The following MAGI1 variants were observed in gnomAD, a reference collection of about 807,000 sequenced individuals.
MAGI1 encodes membrane-associated guanylate kinase, WW and PDZ domain-containing protein 1.
Under a neutral mutation model 139.9 loss-of-function variants are expected in MAGI1, and 58 were observed. That is an observed-to-expected ratio of 0.41 (90% CI 0.34 to 0.52). The LOEUF (loss-of-function observed/expected upper bound fraction) is 0.52. Among genes scored for constraint, MAGI1 ranks in the 20% least tolerant of loss-of-function variants. MAGI1 has a pLI of 0.12. For synonymous variants in MAGI1, 812 were observed against 737.9 expected (o/e 1.10, Z -1.63); for missense variants, 1,874 against 1,901.6 (o/e 0.99, Z 0.27).
At chr3:65,358,202 C>T (rs1940407332) in intron 22 of MAGI1, among the ~76,000 whole-genome samples, 1 of 152,096 alleles carries the variant, frequency 6.6e-6, no homozygotes, top group South Asian at 2.1e-4. Context: ...ATGTTTTAGG[C>T]AGTGTCCTGA....
chr3:65,610,295 T>A lies in MAGI1; in HGVS notation c.430+11677A>T, dbSNP rs140174384. Among the ~76,000 whole-genome samples the A allele has an allele frequency of 3.3e-3, 501 of 152,178 alleles. 2 individuals carry two copies. The highest frequency in any genetic ancestry group is 6.8e-3 in the Middle Eastern group (2 of 294). On this transcript the variant is annotated intron_variant, in intron 2 of 22. Coordinates refer to ENST00000402939, the MANE Select transcript of MAGI1 (RefSeq NM_001033057.2). ...ATTGAACATCAAACAAAAAAGTTAA[T>A]GAAACCTGTATTAGCCACAAACTTC...
At chr3:65,426,533 C>G (rs1315853742) in intron 12 of MAGI1, among the ~76,000 whole-genome samples, 3 of 151,862 alleles carry the variant, frequency 2.0e-5, no homozygotes, top group Non-Finnish European at 4.4e-5. Context: ...ATGAGTTTAT[C>G]AGTCATCTTA....
intron 2 of MAGI1, among the ~76,000 whole-genome samples, chr3:65,502,026 G>C (rs2077101059): frequency 6.6e-6 from 1 of 152,188 alleles, no homozygotes; most frequent in Non-Finnish European, 1.5e-5. Context: ...CAGCTATGTA[G>C]GGTGGGAGCA....
At chr3:65,910,635 A>T (rs972169987) in intron 1 of MAGI1, among the ~76,000 whole-genome samples, 8 of 152,132 alleles carry the variant, frequency 5.3e-5, no homozygotes, top group African/African-American at 1.9e-4. Flanking sequence ...CTTATTAAAG[A>T]ACTACTTACT....
intron 1 of MAGI1, among the ~76,000 whole-genome samples, chr3:65,883,709 C>T (rs1009938228): frequency 6.6e-6 from 1 of 152,350 alleles, no homozygotes; most frequent in Middle Eastern, 3.4e-3. Context: ...CACTGCATTT[C>T]CCACTGTTCT....
intron 1 of MAGI1, among the ~76,000 whole-genome samples, chr3:65,703,639 G>C (rs1028392307): frequency 1.0e-3 from 154 of 152,144 alleles, no homozygotes; most frequent in Non-Finnish European, 2.2e-4. Context: ...CTCACCTAAG[G>C]TCACACTAAT....
intron 1 of MAGI1, among the ~76,000 whole-genome samples, chr3:65,918,768 ATT>A (rs2062030005): frequency 6.6e-6 from 1 of 152,166 alleles, no homozygotes; most frequent in South Asian, 2.1e-4. Flanking sequence ...GCTTAAAATT[ATT>A]GTTTGCTTAA....
chr3:65,454,746 A>C (rs911128917), intron 5 of MAGI1, among the ~76,000 whole-genome samples: 1 of 150,252 alleles, frequency 6.7e-6, no homozygotes, highest in Non-Finnish European at 1.5e-5. Flanking sequence ...CATATGGCTT[A>C]AGAGAAAAAC....
At chr3:65,602,986 C>A (rs1559710707) in intron 2 of MAGI1, among the ~76,000 whole-genome samples, 1 of 151,968 alleles carries the variant, frequency 6.6e-6, no homozygotes, top group African/African-American at 2.4e-5. Context: ...AATTTAAAAT[C>A]TAGACAGAAT....
At chr3:65,419,231 C>CACACACACACCACACACACAT (rs1946462763) in intron 12 of MAGI1, among the ~76,000 whole-genome samples, 1 of 150,778 alleles carries the variant, frequency 6.6e-6, no homozygotes, top group East Asian at 2.0e-4. Context: ...TACACACACA[C>CACACACACACCACACACACAT]ACACACACAC....
chr3:65,392,896 C>T (rs1422907110), intron 13 of MAGI1, among the ~76,000 whole-genome samples: 1 of 152,152 alleles, frequency 6.6e-6, no homozygotes, highest in Non-Finnish European at 1.5e-5. Context: ...GATGTGCCTG[C>T]AGGAGAAATT....
chr3:65,494,696 A>C (rs1952295828), intron 2 of MAGI1, among the ~76,000 whole-genome samples: 1 of 152,230 alleles, frequency 6.6e-6, no homozygotes, highest in African/African-American at 2.4e-5. Flanking sequence ...TTGAAATGTA[A>C]TGCAATTAAA....
chr3:65,724,219 A>C lies in MAGI1; in HGVS notation c.314-102131T>G, dbSNP rs550993853. On this transcript the variant is annotated intron_variant, in intron 1 of 22. Transcript: ENST00000402939. ...TGTGAAAATTATAATGTAGTCATGG[A>C]GAGGGATGCTAACAGAAATGGTTAC... 3.9e-5 allele frequency among the ~76,000 whole-genome samples: 6 copies of C among 152,350 alleles called. No individual in the cohort carries two copies. In the South Asian group the frequency reaches 6.2e-4, roughly 16 times the overall value.
intron 12 of MAGI1, among the ~76,000 whole-genome samples, chr3:65,419,343 T>C (rs1191971414): frequency 1.3e-5 from 2 of 152,070 alleles, no homozygotes; most frequent in African/African-American, 4.8e-5. Flanking sequence ...ACACAGTAAA[T>C]ATTTCATAAA....
chr3:65,658,512 C>T (rs966729853), intron 1 of MAGI1, among the ~76,000 whole-genome samples: 39 of 152,216 alleles, frequency 2.6e-4, no homozygotes, highest in Admixed American at 2.6e-3. Context: ...CTGAATTCTT[C>T]AGACCAGTTC....
intron 1 of MAGI1, among the ~76,000 whole-genome samples, chr3:65,975,210 T>C (rs2065207219): frequency 6.6e-6 from 1 of 152,180 alleles, no homozygotes; most frequent in Admixed American, 6.5e-5. Context: ...TAGTTCGTTT[T>C]CATTCTAAAA....
At chr3:65,876,990 G>A (rs560922434) in intron 1 of MAGI1, among the ~76,000 whole-genome samples, 25 of 152,114 alleles carry the variant, frequency 1.6e-4, no homozygotes, top group East Asian at 7.7e-4. Flanking sequence ...TGATCCGCCC[G>A]CCTCGGCCTC....
chr3:65,497,180 T>C (rs1356122696), intron 2 of MAGI1, among the ~76,000 whole-genome samples: 1 of 152,030 alleles, frequency 6.6e-6, no homozygotes, highest in South Asian at 2.1e-4. Flanking sequence ...GATCAGTTGA[T>C]TAGTAAACCA....
intron 1 of MAGI1, among the ~76,000 whole-genome samples, chr3:65,626,962 C>T (rs2084001389): frequency 6.6e-6 from 1 of 152,176 alleles, no homozygotes; most frequent in South Asian, 2.1e-4. Flanking sequence ...TTTGTCATAG[C>T]ATCTTCACTT....
Sources: allele counts gnomAD v4.1 joint callset (sites outside exome capture counted in the v4.1 genomes callset), GRCh38; gene constraint gnomAD v4.1.1; transcripts MANE v1.5; gene names NCBI Gene and HGNC (gene_info 2026-07-23, HGNC 2026-07-21).